PCLO: variants seen among roughly 807,000 people sequenced by gnomAD.
PCLO encodes the protein piccolo presynaptic cytomatrix protein.
A neutral mutation model predicts 427.5 loss-of-function variants in PCLO; 82 were observed. That is an observed-to-expected ratio of 0.19 (90% CI 0.16 to 0.23). The LOEUF is 0.23. Among genes scored for constraint, PCLO ranks in the 10% least tolerant of loss-of-function variants. The pLI is 1.00. For missense variants in PCLO, 6,239 were observed against 6,115.9 expected (o/e 1.02, Z -0.67); for synonymous variants, 2,357 against 2,155.4 (o/e 1.09, Z -2.59).
chr7:83,042,868 C>T (rs1203449366), intron 3 of PCLO, among the ~76,000 whole-genome samples: 1 of 151,970 alleles, frequency 6.6e-6, no homozygotes, highest in Non-Finnish European at 1.5e-5. Flanking sequence ...TCAAAACAAA[C>T]AAACAAACAA....
chr7:82,939,878 A>G (rs1404187903), intron 6 of PCLO, among the ~76,000 whole-genome samples: 1 of 151,900 alleles, frequency 6.6e-6, no homozygotes, highest in Non-Finnish European at 1.5e-5. Context: ...TATTTCATAC[A>G]AACTGCAGAA....
At chr7:82,791,833 T>A (rs1041971690) in intron 22 of PCLO, among the ~76,000 whole-genome samples, 3 of 152,036 alleles carry the variant, frequency 2.0e-5, no homozygotes, top group Admixed American at 1.3e-4. Flanking sequence ...TTTCTAGATA[T>A]AATAAATTTT....
Position 83,162,726 on chromosome 7 carries a change from C to G in PCLO, c.-134G>C. 8.7e-7 allele frequency: 1 copy of G among 1,149,522 alleles called. No homozygotes were observed. The highest frequency in any genetic ancestry group is 1.6e-5 in the South Asian group (1 of 61,098). The allele number at this position is 1,149,522 out of a possible 1,614,324, so 71.2% of individuals were successfully genotyped here. ...GGCAGCCGAGTCCCTGGACTCTGGA[C>G]CAGGCACTGCCGCCCGGAACGCCAG... On this transcript the variant is annotated 5_prime_UTR_variant, in exon 1 of 25. Transcript: ENST00000333891.
chr7:83,121,191 A>G (rs1198317308), intron 3 of PCLO, among the ~76,000 whole-genome samples: 3 of 152,144 alleles, frequency 2.0e-5, no homozygotes, highest in Non-Finnish European at 2.9e-5. Flanking sequence ...AAAAAGATAT[A>G]AATAGAAACA....
Position 82,951,929 on chromosome 7 carries a change from T to C in PCLO, c.9024A>G (p.Lys3008=). Residue 3008 remains lysine (K), a synonymous_variant, in exon 5 of 25, where the codon AAA becomes AAG. Transcript: ENST00000333891. ...CAGAATAATCAAAAGCATTCTTACT[T>C]TTATAGAAAAAATGTCCAGCTTCTG... The part of the protein sequence containing the change: ...NLAEAGHFFY[K]SKNAFDYSEG... The C allele has an allele frequency of 6.2e-7, 1 of 1,613,886 alleles. No homozygotes were observed. The highest frequency in any genetic ancestry group is 8.5e-7 in the Non-Finnish European group (1 of 1,179,828).
At position 82,892,600 on chromosome 7, in the gene PCLO, T is replaced by C. The variant is rs199804280; in HGVS notation, c.13528+10051A>G. On this transcript the variant is annotated intron_variant, in intron 9 of 24. Coordinates refer to ENST00000333891, the MANE Select transcript of PCLO (RefSeq NM_033026.6). The stretch of plus-strand genomic sequence containing the variant: ...ATGGGATCTAATTAAACTAAAGAGC[T>C]TCTGCACAGCAAAAGAAACTACCAT... 1.3e-3 allele frequency among the ~76,000 whole-genome samples: 192 copies of C among 151,792 alleles called. 2 individuals carry two copies. In the East Asian group the frequency reaches 0.026, roughly 21 times the overall value.
intron 9 of PCLO, among the ~76,000 whole-genome samples, chr7:82,897,871 G>A (rs1402850009): frequency 6.6e-6 from 1 of 151,198 alleles, no homozygotes; most frequent in African/African-American, 2.4e-5. Context: ...TTGGTTTGGG[G>A]AAACATATCC....
intron 10 of PCLO, among the ~76,000 whole-genome samples, chr7:82,858,579 T>C (rs1256394364): frequency 6.6e-6 from 1 of 152,194 alleles, no homozygotes; most frequent in African/African-American, 2.4e-5. Flanking sequence ...AATACTGTTA[T>C]AATTAATAAA....
chr7:82,876,256 A>C (rs1281008110), intron 10 of PCLO, among the ~76,000 whole-genome samples: 2 of 152,062 alleles, frequency 1.3e-5, no homozygotes, highest in Non-Finnish European at 1.5e-5. Context: ...AAAATCAATA[A>C]TCATGAATTT....
At chr7:83,122,678 A>C (rs1393125919) in intron 3 of PCLO, among the ~76,000 whole-genome samples, 3 of 152,140 alleles carry the variant, frequency 2.0e-5, no homozygotes, top group Admixed American at 2.0e-4. Context: ...GGGCATACAC[A>C]TTGGAAGAAA....
intron 22 of PCLO, among the ~76,000 whole-genome samples, chr7:82,792,567 A>G (rs900688053): frequency 6.6e-6 from 1 of 152,010 alleles, no homozygotes; most frequent in African/African-American, 2.4e-5. Flanking sequence ...GACTCAAGCA[A>G]TCTGCCCACT....
chr7:83,135,113 C>T lies in PCLO; in HGVS notation c.2437G>A (p.Val813Ile). 1.2e-6 allele frequency: 2 copies of T among 1,613,852 alleles called. No homozygotes were observed. The highest frequency in any genetic ancestry group is 1.7e-6 in the Non-Finnish European group (2 of 1,179,832). ...SQSFPPTGEK[V>I]SPFDSKAIPR... is the part of the protein sequence containing the mutation. ...ATGGCTTTAGAATCAAATGGGCTGA[C>T]TTTTTCCCCTGTTGGTGGAAAACTC... Residue 813 changes from valine (V) to isoleucine (I), a missense_variant, in exon 3 of 25, where the codon GTC becomes ATC. Val to Ile is a conservative substitution (Grantham distance 29). This residue lies in a region of PCLO where 4,677 missense variants were observed against 4,468.4 expected (regional missense o/e 1.05). Transcript: ENST00000333891.
intron 10 of PCLO, among the ~76,000 whole-genome samples, chr7:82,859,422 G>A (rs533230656): frequency 4.6e-5 from 7 of 152,324 alleles, no homozygotes; most frequent in African/African-American, 1.7e-4. Context: ...CAGACGTTAT[G>A]TTTGGGAGAA....
intron 3 of PCLO, among the ~76,000 whole-genome samples, chr7:83,056,143 T>C (rs917161317): frequency 1.3e-5 from 2 of 152,312 alleles, no homozygotes; most frequent in African/African-American, 4.8e-5. Flanking sequence ...TATAGGTTTC[T>C]GGGCCTCACA....
chr7:82,794,476 T>C (rs1425442777), intron 22 of PCLO, among the ~76,000 whole-genome samples: 2 of 110,402 alleles, frequency 1.8e-5, no homozygotes, highest in Non-Finnish European at 3.7e-5. Flanking sequence ...TTTTTTTTTT[T>C]TTTTTTTTTT....
intron 3 of PCLO, among the ~76,000 whole-genome samples, chr7:83,080,625 C>T (rs1355279110): frequency 6.6e-6 from 1 of 152,072 alleles, no homozygotes; most frequent in African/African-American, 2.4e-5. Context: ...GCTTCTTACT[C>T]AATTCAGAAT....
intron 6 of PCLO, among the ~76,000 whole-genome samples, chr7:82,933,986 T>C (rs1584177052): frequency 6.6e-6 from 1 of 151,380 alleles, no homozygotes; most frequent in Non-Finnish European, 1.5e-5. Flanking sequence ...TCATTACATA[T>C]GTTTACCTCA....
At position 82,955,554 on chromosome 7, in the gene PCLO, C is replaced by G. The variant is rs1795491217; in HGVS notation, c.5399G>C (p.Arg1800Thr). ...EKQREIEQQQRKSSSKKSKKD... is the reference protein window; with the variant it reads ...EKQREIEQQQTKSSSKKSKKD... ...CTTTGATTTTTTACTAGAACTCTTT[C>G]TTTGTTGCTGTTCTATTTCCCTCTG... Residue 1800 changes from arginine to threonine, a missense_variant, in exon 5 of 25, where the codon AGA becomes ACA. Physicochemically the swap from Arg to Thr is moderately conservative, Grantham distance 71. This residue lies in a region of PCLO where 4,677 missense variants were observed against 4,468.4 expected (regional missense o/e 1.05). Transcript: ENST00000333891. 2 of 1,613,788 alleles carry G rather than the reference C, an allele frequency of 1.2e-6. No individual in the cohort carries two copies. Among genetic ancestry groups the G allele is most frequent in the African/African-American group, 2.7e-5 (2 of 74,902 alleles).
intron 13 of PCLO, among the ~76,000 whole-genome samples, chr7:82,843,915 C>G (rs77138154): frequency 0.017 from 2,560 of 152,092 alleles, 87 homozygotes; most frequent in African/African-American, 0.059. Context: ...CTCTGCCTCT[C>G]CTGGCCTCCC....
Sources: allele counts gnomAD v4.1 joint callset (sites outside exome capture counted in the v4.1 genomes callset), GRCh38; gene constraint gnomAD v4.1.1; regional missense constraint gnomAD v4.1.1; transcripts MANE v1.5; gene names NCBI Gene and HGNC (gene_info 2026-07-23, HGNC 2026-07-21).